Variants in AS3MT observed in about 807,000 individuals in gnomAD.
AS3MT encodes the protein S-adenosyl-L-methionine:arsenic(III) methyltransferase.
A neutral mutation model predicts 45.3 loss-of-function variants in AS3MT; 47 were observed. The ratio of observed to expected loss-of-function variants is 1.04; its 90% CI spans 0.82 to 1.32. The LOEUF (loss-of-function observed/expected upper bound fraction) is 1.32. AS3MT is among the 40% of genes most tolerant of loss of function. AS3MT has a pLI of 0.00. For synonymous variants in AS3MT, 141 were observed against 152.8 expected (o/e 0.92, Z 0.57); for missense variants, 396 against 451.1 (o/e 0.88, Z 1.11).
At chr10:102,894,284 G>A (rs1380248317) in intron 10 of AS3MT, among the ~76,000 whole-genome samples, 2 of 151,968 alleles carry the variant, frequency 1.3e-5, no homozygotes, top group South Asian at 2.1e-4. Context: ...TCAGCCAGGC[G>A]TGGGGGCAGG....
chr10:102,877,135 G>GCCTAACCCCATGT, intron 7 of AS3MT, 100 bp downstream of exon 7: 3 of 1,159,980 alleles, frequency 2.6e-6, no homozygotes, highest in Non-Finnish European at 3.8e-6. Context: ...AGATCACATG[G>GCCTAACCCCATGT]GGTTAGGCCA....
At position 102,892,328 on chromosome 10, in the gene AS3MT, A is replaced by G. The variant is rs78891024; in HGVS notation, c.1020+1650A>G. The stretch of plus-strand genomic sequence containing the variant: ...TGGTCCTAATCTGCTTTTCACTGCA[A>G]ATTCCGTGCTGCTAAAATTATATAA... On this transcript the variant is annotated intron_variant, in intron 10 of 10. Transcript: ENST00000369880. Among the ~76,000 whole-genome samples, 64 of 152,226 alleles carry G rather than the reference A, an allele frequency of 4.2e-4. 4 individuals carry two copies. The East Asian group carries it at 9.5e-3, about 23-fold the overall frequency.
At chr10:102,888,879 A>ATTTT (rs1476114789) in intron 9 of AS3MT, among the ~76,000 whole-genome samples, 2 of 45,208 alleles carry the variant, frequency 4.4e-5, no homozygotes, top group African/African-American at 1.4e-4. Context: ...ATATATATAT[A>ATTTT]TATTTTTTTT....
intron 3 of AS3MT, among the ~76,000 whole-genome samples, chr10:102,871,312 C>A (rs1292302948): frequency 6.6e-6 from 1 of 151,346 alleles, no homozygotes; most frequent in African/African-American, 2.4e-5. Flanking sequence ...TTTGGGAGGC[C>A]GAGGCGGGAG....
chr10:102,882,616 G>A (rs1032772329), intron 9 of AS3MT, among the ~76,000 whole-genome samples: 4 of 151,932 alleles, frequency 2.6e-5, no homozygotes, highest in Non-Finnish European at 4.4e-5. Flanking sequence ...TTGAGATGGA[G>A]TCTTGCTCTG....
At chr10:102,898,402 C>T (rs933989183) in intron 10 of AS3MT, among the ~76,000 whole-genome samples, 3 of 151,946 alleles carry the variant, frequency 2.0e-5, no homozygotes, top group African/African-American at 7.3e-5. Flanking sequence ...TCAACAGCAG[C>T]CTGTCTAACA....
intron 9 of AS3MT, among the ~76,000 whole-genome samples, chr10:102,883,561 A>C (rs1459806055): frequency 6.6e-6 from 1 of 151,986 alleles, no homozygotes; most frequent in Admixed American, 6.5e-5. Flanking sequence ...AAAAATACAA[A>C]AATTAGCCGG....
chr10:102,874,299 G>T (rs1003754817), intron 5 of AS3MT, among the ~76,000 whole-genome samples: 6 of 152,016 alleles, frequency 3.9e-5, no homozygotes, highest in Admixed American at 3.9e-4. Context: ...GTAGGCATCT[G>T]GTCTGAGGTT....
chr10:102,878,353 G>A (rs199546052), intron 7 of AS3MT, 26 bp from the exon 8 acceptor site: 8 of 1,609,826 alleles, frequency 5.0e-6, no homozygotes, highest in Non-Finnish European at 6.8e-6. Flanking sequence ...CTGGTCTGTG[G>A]TTTTTTGTTG....
At chr10:102,871,707 G>C (rs897207540) in intron 3 of AS3MT, among the ~76,000 whole-genome samples, 11 of 149,778 alleles carry the variant, frequency 7.3e-5, no homozygotes, top group Non-Finnish European at 1.5e-5. Context: ...CAGCCTGGGC[G>C]ACAGAGCGAG....
chr10:102,878,315 G>A, intron 7 of AS3MT, 64 bp from the exon 8 acceptor site: 1 of 1,563,734 alleles, frequency 6.4e-7, no homozygotes, highest in South Asian at 1.2e-5. Context: ...TAGAAGAATA[G>A]TTCCCTTAAT....
chr10:102,876,341 AG>A (rs71019625), intron 6 of AS3MT, among the ~76,000 whole-genome samples: 149,287 of 150,868 alleles, frequency 0.99, 73,869 homozygotes, highest in East Asian at 1. Context: ...CCTGAGTTAG[AG>A]GGGTCCAGAT....
At chr10:102,884,798 T>C (rs180709140) in intron 9 of AS3MT, among the ~76,000 whole-genome samples, 1 of 152,138 alleles carries the variant, frequency 6.6e-6, no homozygotes, top group East Asian at 1.9e-4. Flanking sequence ...CTGCCTGCAT[T>C]GGCCTCCAAA....
chr10:102,869,884 T>C, intron 2 of AS3MT, 39 bp downstream of exon 2: 1 of 1,612,050 alleles, frequency 6.2e-7, no homozygotes, highest in Non-Finnish European at 8.5e-7. Context: ...AAGTGGAGCC[T>C]AGGCTAATGG....
chr10:102,895,753 A>C (rs1158696752), intron 10 of AS3MT, among the ~76,000 whole-genome samples: 5 of 151,784 alleles, frequency 3.3e-5, no homozygotes, highest in African/African-American at 1.2e-4. Context: ...AAAAACAAAT[A>C]AACAAAAAAC....
Position 102,901,625 on chromosome 10 carries a change from C to T in AS3MT, c.*925C>T, listed in dbSNP as rs559483876. On this transcript the variant is annotated 3_prime_UTR_variant, in exon 11 of 11. Coordinates refer to ENST00000369880, the MANE Select transcript of AS3MT (RefSeq NM_020682.4). ...GTCAGAAATGGAACAGAGAAGCTGT[C>T]TTAAGCCTTGTTCAAGAAGCAGGAA... is the stretch of plus-strand genomic sequence containing the variant. The T allele has an allele frequency of 3.9e-5, 6 of 152,240 alleles. No individual in the cohort carries two copies. Among genetic ancestry groups the T allele is most frequent in the South Asian group, 2.1e-4 (1 of 4,826 alleles). 9.4% of individuals were successfully genotyped at this position (152,240 alleles called of 1,614,324 possible). A position where few individuals can be genotyped will look rare whatever the true frequency, so the allele number is the denominator to read the frequency against.
Position 102,873,121 on chromosome 10 carries a change from G to T in AS3MT, c.346G>T (p.Asp116Tyr), listed in dbSNP as rs1294730152. 6.3e-7 allele frequency: 1 copy of T among 1,599,386 alleles called. No homozygotes were observed. The highest frequency in any genetic ancestry group is 2.2e-5 in the East Asian group (1 of 44,692). Residue 116 changes from aspartate (D) to tyrosine (Y), a missense_variant, in exon 5 of 11, where the codon GAC becomes TAC. Transcript: ENST00000369880. The stretch of plus-strand genomic sequence containing the variant: ...GGTGGAAGTGGCTGAAAAGTATCTT[G>T]ACTATCACATGGAAAAATATGGCTT... ...GQVEVAEKYL[D>Y]YHMEKYGFQA...
chr10:102,870,534 A>G (rs538140328), intron 3 of AS3MT, among the ~76,000 whole-genome samples: 199 of 152,218 alleles, frequency 1.3e-3, no homozygotes, highest in Non-Finnish European at 1.4e-3. Flanking sequence ...AGCCAGATGC[A>G]TCTCTAAAAT....
Position 102,886,387 on chromosome 10 carries a change from C to T in AS3MT, c.886-4157C>T, listed in dbSNP as rs529006872. 4.7e-5 allele frequency among the ~76,000 whole-genome samples: 7 copies of T among 149,772 alleles called. No homozygotes were observed. The East Asian group carries it at 6.0e-4, about 13-fold the overall frequency. ...TTGCCCAGGTTGGAGTGCAGTGGCG[C>T]GATCTCAGCTCACTGCAACCTCCAC... On this transcript the variant is annotated intron_variant, in intron 9 of 10. Transcript: ENST00000369880.
Sources: gnomAD v4.1 joint callset for allele counts (sites outside exome capture counted in the v4.1 genomes callset) on GRCh38, gnomAD v4.1.1 for gene constraint, MANE v1.5 for transcripts, NCBI Gene and HGNC (gene_info 2026-07-23, HGNC 2026-07-21) for gene names.